Variants in PARD3B observed in about 807,000 individuals in gnomAD.
The protein encoded by PARD3B is partitioning defective 3 homolog B.
A neutral mutation model predicts 130.2 loss-of-function variants in PARD3B; 103 were observed. The ratio of observed to expected loss-of-function variants is 0.79; its 90% CI spans 0.67 to 0.93. The LOEUF (loss-of-function observed/expected upper bound fraction) is 0.93, where lower values mean the gene tolerates loss of function less well. Ranked by LOEUF, PARD3B falls within the 40% of genes least tolerant of loss-of-function variation. PARD3B has a pLI of 0.00. For missense variants in PARD3B, 1,609 were observed against 1,499.2 expected (o/e 1.07, Z -1.21); for synonymous variants, 583 against 553.2 (o/e 1.05, Z -0.76).
At chr2:205,277,600 G>A (rs1051097923) in intron 16 of PARD3B, among the ~76,000 whole-genome samples, 1 of 152,168 alleles carries the variant, frequency 6.6e-6, no homozygotes, top group African/African-American at 2.4e-5. Context: ...GGAGAGGAGA[G>A]AACAGAATCT....
At chr2:204,563,214 G>GCTCTCTCTCT (rs1356690546) in intron 1 of PARD3B, among the ~76,000 whole-genome samples, 4 of 55,020 alleles carry the variant, frequency 7.3e-5, no homozygotes, top group Admixed American at 6.8e-4. Flanking sequence ...CCGTCTTCCC[G>GCTCTCTCTCT]CTGTCTCTCT....
Position 205,150,803 on chromosome 2 carries a change from C to CTT in PARD3B, c.1435-7918_1435-7917insTT, listed in dbSNP as rs534941669. 3.7e-4 allele frequency among the ~76,000 whole-genome samples: 57 copies of CTT among 152,206 alleles called. 1 individual carries two copies. The highest frequency in any genetic ancestry group is 2.0e-3 in the Admixed American group (31 of 15,286). ...ACAGTATAGTATGGCAGTGAAGAGT[C>CTT]TGACAGTTGAACTCACAGAGTAGAA... On this transcript the variant is annotated intron_variant, in intron 10 of 22. Transcript: ENST00000406610.
At chr2:204,811,210 A>G (rs2042949775) in intron 2 of PARD3B, among the ~76,000 whole-genome samples, 1 of 151,870 alleles carries the variant, frequency 6.6e-6, no homozygotes. Flanking sequence ...TTCTTTATTA[A>G]TCTAGCTAGT....
intron 3 of PARD3B, among the ~76,000 whole-genome samples, chr2:204,998,344 ATATATATATATATATGTGTG>A (rs1694452030): frequency 1.1e-5 from 1 of 90,694 alleles, no homozygotes; most frequent in African/African-American, 4.7e-5. Context: ...ATATATATAT[ATATATATATATATATGTGTG>A]TGTGTGTGTG....
chr2:204,795,091 A>G (rs2042324608), intron 2 of PARD3B, among the ~76,000 whole-genome samples: 1 of 152,190 alleles, frequency 6.6e-6, no homozygotes. Flanking sequence ...ATCGGGTTAA[A>G]TGCTTATATT....
chr2:204,920,428 G>A (rs2047629904), intron 2 of PARD3B, among the ~76,000 whole-genome samples: 1 of 152,112 alleles, frequency 6.6e-6, no homozygotes, highest in South Asian at 2.1e-4. Context: ...CTTTTGGAGC[G>A]AAATCTGAGT....
chr2:205,002,060 G>T (rs985928892), intron 3 of PARD3B, among the ~76,000 whole-genome samples: 2 of 152,064 alleles, frequency 1.3e-5, no homozygotes, highest in South Asian at 2.1e-4. Flanking sequence ...AAGTAGCTAC[G>T]ATTAACATTC....
chr2:205,136,180 C>T (rs10175054), intron 10 of PARD3B, among the ~76,000 whole-genome samples: 96,101 of 151,976 alleles, frequency 0.63, 31,311 homozygotes, highest in Admixed American at 0.75. Flanking sequence ...GATTGTTTAA[C>T]GGCTTGAAAT....
At chr2:205,159,864 G>A (rs974677405) in intron 11 of PARD3B, among the ~76,000 whole-genome samples, 6 of 152,198 alleles carry the variant, frequency 3.9e-5, no homozygotes, top group African/African-American at 1.4e-4. Flanking sequence ...TCATGCTGCT[G>A]TTAAGACTAA....
intron 21 of PARD3B, among the ~76,000 whole-genome samples, chr2:205,514,558 T>C (rs1227008077): frequency 6.7e-6 from 1 of 149,180 alleles, no homozygotes; most frequent in Non-Finnish European, 1.5e-5. Flanking sequence ...AGTTTGCTTT[T>C]CTTGTTTATA....
rs2125620296 is a variant in PARD3B at position 205,121,319 on chromosome 2, G to A, written c.807-272G>A. 6.6e-6 allele frequency among the ~76,000 whole-genome samples: 1 copy of A among 152,310 alleles called. No individual in the cohort carries two copies. Among genetic ancestry groups the A allele is most frequent in the East Asian group, 1.9e-4 (1 of 5,188 alleles). ...TCTGAGCCTCAACTTCCATGTCCGT[G>A]AAATGAAAGCTATTTATACTTACCG... On this transcript the variant is annotated intron_variant, in intron 7 of 22. Coordinates refer to ENST00000406610, the MANE Select transcript of PARD3B (RefSeq NM_001302769.2). The surrounding 1 kb of genome is among the most constrained non-coding windows in gnomAD (Gnocchi z 5.0).
At chr2:205,115,649 G>A (rs1201100495) in intron 6 of PARD3B, among the ~76,000 whole-genome samples, 2 of 152,104 alleles carry the variant, frequency 1.3e-5, no homozygotes, top group Admixed American at 1.3e-4. Context: ...GTGGAGACAT[G>A]AGCCAATAAA....
At chr2:204,683,425 A>G (rs2036931400) in intron 1 of PARD3B, among the ~76,000 whole-genome samples, 1 of 152,196 alleles carries the variant, frequency 6.6e-6, no homozygotes, top group East Asian at 1.9e-4. Flanking sequence ...AACCATGTAA[A>G]TGAAATGCAA....
intron 1 of PARD3B, among the ~76,000 whole-genome samples, chr2:204,652,131 TCTTTA>T (rs747936022): frequency 9.3e-4 from 141 of 152,212 alleles, no homozygotes; most frequent in Non-Finnish European, 1.7e-3. Context: ...ATTAGGCTCT[TCTTTA>T]CTTATGCAAA....
chr2:204,803,674 C>T, intron 2 of PARD3B, among the ~76,000 whole-genome samples: 1 of 151,954 alleles, frequency 6.6e-6, no homozygotes, highest in Admixed American at 6.6e-5. Flanking sequence ...TATTTTCAAG[C>T]CTCATGGTAA....
intron 3 of PARD3B, among the ~76,000 whole-genome samples, chr2:204,998,344 A>G (rs1490255225): frequency 6.6e-5 from 6 of 90,698 alleles, no homozygotes; most frequent in African/African-American, 9.3e-5. Context: ...ATATATATAT[A>G]TATATATATA....
rs1312466183 is a variant in PARD3B at position 204,675,199 on chromosome 2, GT to G, written c.121-10977del. Among the ~76,000 whole-genome samples the G allele has an allele frequency of 6.6e-6, 1 of 151,986 alleles. No individual in the cohort carries two copies. The highest frequency in any genetic ancestry group is 1.5e-5 in the Non-Finnish European group (1 of 67,964). The stretch of plus-strand genomic sequence containing the variant: ...TTCTTTAAAATTACTTTGAGTCATT[GT>G]TTTTCAATATTATTAAATTAGTAAT... On this transcript the variant is annotated intron_variant, in intron 1 of 22. Coordinates refer to ENST00000406610, the MANE Select transcript of PARD3B (RefSeq NM_001302769.2). The surrounding 1 kb of genome is among the most constrained non-coding windows in gnomAD (Gnocchi z 4.4).
At chr2:204,883,419 T>A (rs11902725) in intron 2 of PARD3B, among the ~76,000 whole-genome samples, 2 of 105,704 alleles carry the variant, frequency 1.9e-5, no homozygotes, top group Non-Finnish European at 3.7e-5. Context: ...ATATATATAA[T>A]ATATATATAT....
intron 2 of PARD3B, among the ~76,000 whole-genome samples, chr2:204,914,006 G>T (rs1347312696): frequency 6.6e-6 from 1 of 152,170 alleles, no homozygotes; most frequent in African/African-American, 2.4e-5. Flanking sequence ...AGGGTCAGTT[G>T]TTTCTGTTGA....
Sources: gnomAD v4.1 joint callset for allele counts (sites outside exome capture counted in the v4.1 genomes callset) on GRCh38, gnomAD v4.1.1 for gene constraint, Gnocchi (gnomAD v3.1) non-coding constraint, MANE v1.5 for transcripts, NCBI Gene and HGNC (gene_info 2026-07-23, HGNC 2026-07-21) for gene names.